FMN1: variants seen among roughly 807,000 people sequenced by gnomAD.
The protein encoded by FMN1 is formin 1.
Under a neutral mutation model 132.4 loss-of-function variants are expected in FMN1, and 110 were observed. The observed-to-expected ratio is 0.83, with a 90% confidence interval of 0.71 to 0.97. The LOEUF (loss-of-function observed/expected upper bound fraction) is 0.97, where lower values mean the gene tolerates loss of function less well. FMN1 is among the 50% of genes least tolerant of loss of function. The pLI, the probability that FMN1 is intolerant of heterozygous loss-of-function variation, is 0.00. For synonymous variants in FMN1, 722 were observed against 651.7 expected (o/e 1.11, Z -1.64); for missense variants, 1,792 against 1,705.3 (o/e 1.05, Z -0.90).
At chr15:33,126,171 A>G (rs1184546974) in intron 4 of FMN1, among the ~76,000 whole-genome samples, 1 of 152,152 alleles carries the variant, frequency 6.6e-6, no homozygotes, top group Non-Finnish European at 1.5e-5. Context: ...TGAGGAGCAT[A>G]CATCCTCATT....
chr15:32,898,717 G>A, intron 15 of FMN1, 117 bp downstream of exon 15: 1 of 671,876 alleles, frequency 1.5e-6, no homozygotes, highest in Non-Finnish European at 2.7e-6. Flanking sequence ...CCACGCTGGA[G>A]AGCTCTCATA....
chr15:32,951,390 C>CATTT (rs2061649685), intron 9 of FMN1, among the ~76,000 whole-genome samples: 1 of 151,652 alleles, frequency 6.6e-6, no homozygotes, highest in Non-Finnish European at 1.5e-5. Flanking sequence ...GGCTAAAATT[C>CATTT]ATTTGCTTTA....
chr15:33,032,022 T>A (rs145550364), intron 6 of FMN1, among the ~76,000 whole-genome samples: 89 of 152,294 alleles, frequency 5.8e-4, no homozygotes, highest in African/African-American at 2.0e-3. Context: ...ACAACAAAAA[T>A]AATAATTACT....
chr15:33,090,905 A>G (rs758046891), intron 4 of FMN1, among the ~76,000 whole-genome samples: 1 of 152,284 alleles, frequency 6.6e-6, no homozygotes, highest in Non-Finnish European at 1.5e-5. Context: ...TTCTATTTAT[A>G]TGGCTCATCC....
intron 4 of FMN1, among the ~76,000 whole-genome samples, chr15:33,113,694 A>G (rs1192812184): frequency 6.6e-6 from 1 of 152,034 alleles, no homozygotes; most frequent in Non-Finnish European, 1.5e-5. Context: ...TCCCCCTTCT[A>G]GACAGGGGCC....
rs61744880 is a variant in FMN1 at position 33,154,100 on chromosome 15, C to T, written c.815G>A (p.Ser272Asn). 1.2e-5 allele frequency: 19 copies of T among 1,536,188 alleles called. No individual in the cohort carries two copies. Among genetic ancestry groups the T allele is most frequent in the Admixed American group, 7.8e-5 (4 of 50,984 alleles). The change falls in exon 4 of 21, where the codon AGC becomes AAC. Residue 272 changes from serine (S) to asparagine (N), a missense_variant. This residue lies in a region of FMN1 where 638 missense variants were observed against 645.2 expected (regional missense o/e 0.99). Coordinates refer to ENST00000616417, the MANE Select transcript of FMN1 (RefSeq NM_001277313.2). Reference protein sequence around the residue: ...LGREVLPPDCSSTEAGGDGIR... With the variant: ...LGREVLPPDCNSTEAGGDGIR... Reference sequence around the variant, plus strand: ...GCCATCCCCTCCTGCCTCTGTGGAGCTGCAGTCAGGGGGCAGCACTTCTCT... The same window carrying T: ...GCCATCCCCTCCTGCCTCTGTGGAGTTGCAGTCAGGGGGCAGCACTTCTCT...
At chr15:33,056,240 A>T in intron 6 of FMN1, among the ~76,000 whole-genome samples, 1 of 152,224 alleles carries the variant, frequency 6.6e-6, no homozygotes, top group Non-Finnish European at 1.5e-5. Context: ...ACCAAAAGGC[A>T]TGTCCAAGGG....
intron 6 of FMN1, among the ~76,000 whole-genome samples, chr15:33,016,884 C>G (rs1305671897): frequency 6.6e-6 from 1 of 152,186 alleles, no homozygotes; most frequent in Non-Finnish European, 1.5e-5. Context: ...CTGTTGAACG[C>G]CATAAAAACC....
At chr15:32,923,843 CG>C (rs942740014) in intron 10 of FMN1, among the ~76,000 whole-genome samples, 45 of 152,282 alleles carry the variant, frequency 3.0e-4, no homozygotes, top group African/African-American at 1.1e-3. Context: ...TTAAAACAAA[CG>C]GAATATAGTC....
chr15:33,090,035 G>A (rs1040681917), intron 4 of FMN1, among the ~76,000 whole-genome samples: 3 of 152,110 alleles, frequency 2.0e-5, no homozygotes, highest in South Asian at 2.1e-4. Context: ...TAAACATGTC[G>A]CAAGCCACTT....
Position 32,951,041 on chromosome 15 carries a change from T to C in FMN1, c.3138+13066A>G, listed in dbSNP as rs148891184. On this transcript the variant is annotated intron_variant, in intron 9 of 20. Coordinates refer to ENST00000616417, the MANE Select transcript of FMN1 (RefSeq NM_001277313.2). ...AAATTCTATTCATGCATTATGTTGA[T>C]AAAATTTAATCAAGTACTGTATGAA... 2.1e-3 allele frequency among the ~76,000 whole-genome samples: 319 copies of C among 152,244 alleles called. 1 individual carries two copies. Among genetic ancestry groups the C allele is most frequent in the African/African-American group, 7.3e-3 (305 of 41,546 alleles).
At chr15:32,949,460 C>T (rs1314936663) in intron 9 of FMN1, among the ~76,000 whole-genome samples, 3 of 152,062 alleles carry the variant, frequency 2.0e-5, no homozygotes, top group Non-Finnish European at 4.4e-5. Flanking sequence ...AGAAAGAATT[C>T]CCTATTCAAT....
Position 33,157,618 on chromosome 15 carries a change from T to G in FMN1, c.-131-2573A>C, listed in dbSNP as rs553766730. ...ATCTAATTTGAATAGAGGAGTTTTT[T>G]TTGTTGTTTTCTGTTTTTTGTTTTT... On this transcript the variant is annotated intron_variant, in intron 3 of 20. Coordinates refer to ENST00000616417, the MANE Select transcript of FMN1 (RefSeq NM_001277313.2). 6.6e-5 allele frequency among the ~76,000 whole-genome samples: 10 copies of G among 152,298 alleles called. 1 individual carries two copies. In the East Asian group the frequency reaches 1.7e-3, roughly 26 times the overall value.
intron 17 of FMN1, among the ~76,000 whole-genome samples, chr15:32,831,602 C>A (rs1195098883): frequency 6.6e-6 from 1 of 151,986 alleles, no homozygotes; most frequent in Non-Finnish European, 1.5e-5. Context: ...TCCAGGGAGG[C>A]AATCATGAGA....
At chr15:33,136,970 C>G (rs778399756) in intron 4 of FMN1, among the ~76,000 whole-genome samples, 9 of 151,576 alleles carry the variant, frequency 5.9e-5, no homozygotes, top group Non-Finnish European at 1.2e-4. Context: ...AGCCTGTAGT[C>G]CCAGCTACCT....
At chr15:33,133,114 T>A (rs1196851419) in intron 4 of FMN1, among the ~76,000 whole-genome samples, 4 of 152,128 alleles carry the variant, frequency 2.6e-5, no homozygotes, top group African/African-American at 9.7e-5. Context: ...GCACCATCAC[T>A]ACATAGAACT....
intron 3 of FMN1, among the ~76,000 whole-genome samples, chr15:33,169,983 C>T (rs1354797594): frequency 6.6e-6 from 1 of 151,924 alleles, no homozygotes; most frequent in Non-Finnish European, 1.5e-5. Flanking sequence ...TCAAAAAGCC[C>T]AATACCATCA....
In FMN1 at chr15:33,003,477, T is replaced by A. The variant is rs566712443; in HGVS notation, c.2223+4537A>T. 1.6e-4 allele frequency among the ~76,000 whole-genome samples: 25 copies of A among 152,250 alleles called. No homozygotes were observed. In the South Asian group the frequency reaches 5.0e-3, roughly 30 times the overall value. ...TCAAAGGGAATAAAATACCTGGGAA[T>A]CCAACTTACAAGGAATGTGAAGGAC... On this transcript the variant is annotated intron_variant, in intron 7 of 20. Coordinates refer to ENST00000616417, the MANE Select transcript of FMN1 (RefSeq NM_001277313.2).
intron 4 of FMN1, among the ~76,000 whole-genome samples, chr15:33,121,835 TTTTGTTTTTCTG>T (rs1392623126): frequency 6.6e-6 from 1 of 152,106 alleles, no homozygotes; most frequent in Non-Finnish European, 1.5e-5. Flanking sequence ...CCGGCCAAAT[TTTTGTTTTTCTG>T]TTTGTTTGAA....
Sources: allele counts gnomAD v4.1 joint callset (sites outside exome capture counted in the v4.1 genomes callset), GRCh38; gene constraint gnomAD v4.1.1; regional missense constraint gnomAD v4.1.1; transcripts MANE v1.5; gene names NCBI Gene and HGNC (gene_info 2026-07-23, HGNC 2026-07-21).